ME3: variants seen among roughly 807,000 people sequenced by gnomAD.
ME3 encodes malic enzyme 3.
Under a neutral mutation model 68.9 loss-of-function variants are expected in ME3, and 48 were observed. The observed-to-expected ratio is 0.70, with a 90% CI of 0.55 to 0.89. The LOEUF (loss-of-function observed/expected upper bound fraction) is 0.89. ME3 is among the 40% of genes least tolerant of loss of function. The pLI is 0.00. For missense variants in ME3, 675 were observed against 797.4 expected, an observed-to-expected ratio of 0.85 and a Z score of 1.85; for synonymous variants, 320 against 318.8, an observed-to-expected ratio of 1.00 and a Z score of -0.04.
chr11:86,576,334 C>T (rs979995663), intron 2 of ME3, among the ~76,000 whole-genome samples: 1 of 152,178 alleles, frequency 6.6e-6, no homozygotes, highest in African/African-American at 2.4e-5. Flanking sequence ...ACAGGCACTG[C>T]CGCCTCCCCT....
At chr11:86,497,928 T>A in intron 6 of ME3, 35 bp downstream of exon 6, 7 of 1,544,558 alleles carry the variant, frequency 4.5e-6, no homozygotes, top group Non-Finnish European at 5.3e-6. Context: ...TGCCACCTTT[T>A]GGCCCCAGAG....
At chr11:86,559,867 C>T in intron 2 of ME3, 44 bp from the exon 3 acceptor site, 1 of 1,595,276 alleles carries the variant, frequency 6.3e-7, no homozygotes. Context: ...AGTGCATACT[C>T]AGGAGACAAA....
At chr11:86,614,180 G>T (rs1942793350) in intron 2 of ME3, among the ~76,000 whole-genome samples, 2 of 152,136 alleles carry the variant, frequency 1.3e-5, no homozygotes, top group African/African-American at 2.4e-5. Flanking sequence ...CTCTAAGAAA[G>T]AACTGGAGAA....
rs540280872 is a variant in ME3, at chr11:86,615,942, T to A, written c.183+55820A>T. Among the ~76,000 whole-genome samples, 6 of 152,332 alleles carry A rather than the reference T, an allele frequency of 3.9e-5. No homozygotes were observed. In the East Asian group the frequency reaches 1.2e-3, roughly 29 times the overall value. On this transcript the variant is annotated intron_variant, in intron 2 of 14. Transcript: ENST00000543262. ...TAAAAAAACTCATAAACATCCTAAT[T>A]GCATAGAATGCATGGATAAGCAGAA...
chr11:86,541,303 C>T, intron 4 of ME3, among the ~76,000 whole-genome samples: 1 of 152,102 alleles, frequency 6.6e-6, no homozygotes, highest in East Asian at 1.9e-4. Flanking sequence ...GAGAACCGTT[C>T]ACTTGCCTGG....
At chr11:86,481,253 A>G (rs12291889) in intron 7 of ME3, among the ~76,000 whole-genome samples, 1 of 123,902 alleles carries the variant, frequency 8.1e-6, no homozygotes, top group East Asian at 2.4e-4. Context: ...GGGTGTCACT[A>G]TGTTGCCTGG....
downstream of ME3, among the ~76,000 whole-genome samples, chr11:86,438,769 C>G (rs1030776703): frequency 6.6e-6 from 1 of 151,766 alleles, no homozygotes; most frequent in Non-Finnish European, 1.5e-5. Flanking sequence ...TCTTTCCTTT[C>G]TCTCTTTCTT....
intron 5 of ME3, among the ~76,000 whole-genome samples, chr11:86,504,820 A>T (rs993866777): frequency 6.6e-6 from 1 of 151,562 alleles, no homozygotes; most frequent in Non-Finnish European, 1.5e-5. Flanking sequence ...CCTCCTGAAT[A>T]GTTGGGACTA....
At chr11:86,595,897 A>G (rs184853410) in intron 2 of ME3, among the ~76,000 whole-genome samples, 1 of 152,290 alleles carries the variant, frequency 6.6e-6, no homozygotes, top group Admixed American at 6.5e-5. Context: ...CCCTCACCAT[A>G]CCTTCTCGGC....
intron 2 of ME3, among the ~76,000 whole-genome samples, chr11:86,658,356 C>T (rs1946054924): frequency 6.6e-6 from 1 of 151,978 alleles, no homozygotes; most frequent in Non-Finnish European, 1.5e-5. Flanking sequence ...CTCCTGAGGT[C>T]AAGTGATCCA....
intron 2 of ME3, among the ~76,000 whole-genome samples, chr11:86,603,460 A>G (rs1298594429): frequency 6.6e-6 from 1 of 152,208 alleles, no homozygotes; most frequent in Non-Finnish European, 1.5e-5. Flanking sequence ...CAAGTGCTGG[A>G]GAGGATGTGG....
intron 4 of ME3, among the ~76,000 whole-genome samples, chr11:86,509,748 G>A (rs1181838209): frequency 9.2e-6 from 1 of 108,966 alleles, no homozygotes; most frequent in Non-Finnish European, 1.9e-5. Flanking sequence ...CACACACAGG[G>A]GGATTGGCAA....
At chr11:86,494,334 C>G (rs1446969996) in intron 6 of ME3, among the ~76,000 whole-genome samples, 1 of 152,088 alleles carries the variant, frequency 6.6e-6, no homozygotes, top group Non-Finnish European at 1.5e-5. Flanking sequence ...AACACCTGAC[C>G]CCTTGGAGCA....
chr11:86,449,994 C>T (rs1039819140), exon 10 of ME3: 1 of 1,611,854 alleles, frequency 6.2e-7, no homozygotes, highest in Non-Finnish European at 8.5e-7. Context: ...GGGCAATGCC[C>T]ATAGCTGCCT....
rs555814823 is a variant in ME3, at chr11:86,576,223, G to T, written c.184-16400C>A. Among the ~76,000 whole-genome samples, 4 of 152,304 alleles carry T rather than the reference G, an allele frequency of 2.6e-5. No homozygotes were observed. The East Asian group carries it at 7.7e-4, about 29-fold the overall frequency. On this transcript the variant is annotated intron_variant, in intron 2 of 14. Coordinates refer to ENST00000543262, the Ensembl canonical transcript of ME3. ...TCTGTGAGAAGCTTAGAGGAAAGTG[G>T]TTGGGGGAGGTGGATAACCAAGGCT...
At chr11:86,586,163 C>T (rs117416667) in intron 2 of ME3, among the ~76,000 whole-genome samples, 1 of 152,298 alleles carries the variant, frequency 6.6e-6, no homozygotes, top group East Asian at 1.9e-4. Flanking sequence ...TGTTTAAATG[C>T]TGATGGGATG....
At chr11:86,566,522 T>G (rs1452063337) in intron 2 of ME3, among the ~76,000 whole-genome samples, 1 of 152,218 alleles carries the variant, frequency 6.6e-6, no homozygotes, top group Non-Finnish European at 1.5e-5. Context: ...CATATATTGA[T>G]TATCCTCACC....
At chr11:86,579,400 CA>C (rs1375268405) in intron 2 of ME3, among the ~76,000 whole-genome samples, 1 of 152,114 alleles carries the variant, frequency 6.6e-6, no homozygotes, top group Admixed American at 6.6e-5. Context: ...GTCTCTGCTC[CA>C]ACTGGCCATG....
chr11:86,439,191 A>G (rs942474977), downstream of ME3, among the ~76,000 whole-genome samples: 8 of 152,244 alleles, frequency 5.3e-5, no homozygotes, highest in Non-Finnish European at 1.2e-4. Flanking sequence ...CCAGAATAAC[A>G]TTTGATCAAA....
Sources: gnomAD v4.1 joint callset for allele counts (sites outside exome capture counted in the v4.1 genomes callset) on GRCh38, gnomAD v4.1.1 for gene constraint, MANE v1.5 for transcripts, NCBI Gene and HGNC (gene_info 2026-07-23, HGNC 2026-07-21) for gene names.